Variants in ATRNL1 observed in about 807,000 individuals in gnomAD.
The protein encoded by ATRNL1 is attractin like 1, also known as attractin-like protein 1.
ATRNL1 carries 95 observed loss-of-function variants against 182.7 expected under a neutral mutation model. The ratio of observed to expected loss-of-function variants is 0.52; its 90% CI spans 0.44 to 0.62. The LOEUF (loss-of-function observed/expected upper bound fraction) is 0.62, where lower values mean the gene tolerates loss of function less well. ATRNL1 is among the 20% of genes least tolerant of loss of function. The probability of loss-of-function intolerance (pLI) is 0.00; values close to 1 mark genes in which losing one functional copy is unlikely to be tolerated. For missense variants in ATRNL1, 1,471 were observed against 1,679.5 expected, an observed-to-expected ratio of 0.88 and a Z score of 2.17; for synonymous variants, 576 against 568.3, an observed-to-expected ratio of 1.01 and a Z score of -0.19.
intron 25 of ATRNL1, among the ~76,000 whole-genome samples, chr10:115,528,037 TCTTCCTTC>T (rs782541010): frequency 0.092 from 4,886 of 53,394 alleles, 585 homozygotes; most frequent in African/African-American, 0.3. Context: ...CTCCTTCCTT[TCTTCCTTC>T]CTTCCTTCCT....
At chr10:115,420,073 C>T (rs554788214) in intron 20 of ATRNL1, among the ~76,000 whole-genome samples, 2 of 137,124 alleles carry the variant, frequency 1.5e-5, no homozygotes, top group Admixed American at 1.6e-4. Context: ...GACAGAGTCT[C>T]ACTGTTGTCA....
intron 11 of ATRNL1, among the ~76,000 whole-genome samples, chr10:115,266,257 T>C (rs1851603518): frequency 6.6e-6 from 1 of 151,728 alleles, no homozygotes; most frequent in Non-Finnish European, 1.5e-5. Flanking sequence ...TAAAAAATCT[T>C]TTTGATTATT....
In ATRNL1 at chr10:115,944,653, T is replaced by A; in HGVS notation, c.4019-5T>A. 1 of 1,604,742 alleles carries A rather than the reference T, an allele frequency of 6.2e-7. No individual in the cohort carries two copies. Among genetic ancestry groups the A allele is most frequent in the Non-Finnish European group, 8.5e-7 (1 of 1,174,604 alleles). ...GCATTTAAATGCTTTTCTCTTTCCT[T>A]CCAGGCCTTGCAATTGCCAGTGCCC... On this transcript the variant is annotated splice_region_variant and splice_polypyrimidine_tract_variant and intron_variant, in intron 28 of 28. Transcript: ENST00000355044.
intron 19 of ATRNL1, among the ~76,000 whole-genome samples, chr10:115,349,651 A>T (rs1367152416): frequency 6.6e-6 from 1 of 152,120 alleles, no homozygotes; most frequent in Non-Finnish European, 1.5e-5. Flanking sequence ...TGTCTTTTGG[A>T]TAAAAGCCAT....
At chr10:115,257,869 G>C (rs1024236000) in intron 10 of ATRNL1, among the ~76,000 whole-genome samples, 2 of 152,220 alleles carry the variant, frequency 1.3e-5, no homozygotes, top group East Asian at 1.9e-4. Context: ...ACTTATGAAG[G>C]TTAGTTTGGC....
At chr10:115,783,835 T>A (rs6585361) in intron 27 of ATRNL1, among the ~76,000 whole-genome samples, 124,081 of 151,964 alleles carry the variant, frequency 0.82, 50,802 homozygotes, top group East Asian at 0.96. Flanking sequence ...CAACACAGTG[T>A]AACCCCGTCT....
chr10:115,357,094 G>A (rs528841795), intron 19 of ATRNL1, among the ~76,000 whole-genome samples: 6 of 151,790 alleles, frequency 4.0e-5, no homozygotes, highest in Admixed American at 6.6e-5. Context: ...GCACTATTTG[G>A]TTTTTTAAAA....
At chr10:115,410,415 G>A (rs1261959624) in intron 20 of ATRNL1, among the ~76,000 whole-genome samples, 1 of 151,592 alleles carries the variant, frequency 6.6e-6, no homozygotes, top group Admixed American at 6.6e-5. Context: ...TCTGCCTCTC[G>A]GGTTCAAGTG....
At chr10:115,424,980 G>T (rs1404800798) in intron 20 of ATRNL1, among the ~76,000 whole-genome samples, 1 of 152,060 alleles carries the variant, frequency 6.6e-6, no homozygotes, top group Non-Finnish European at 1.5e-5. Context: ...AACACCCAAA[G>T]TTCCTTTGTT....
At chr10:115,160,528 CT>C (rs1405014355) in intron 6 of ATRNL1, among the ~76,000 whole-genome samples, 151,213 of 151,424 alleles carry the variant, frequency 1, 75,501 homozygotes, top group Middle Eastern at 1. Flanking sequence ...ATTCATGCCA[CT>C]TTTTTTTTTT....
chr10:115,157,491 T>TA (rs146825883), intron 5 of ATRNL1, among the ~76,000 whole-genome samples: 5,004 of 152,184 alleles, frequency 0.033, 107 homozygotes, highest in Non-Finnish European at 0.049. Context: ...TAGAGTAAAA[T>TA]AAAGACAACA....
intron 18 of ATRNL1, among the ~76,000 whole-genome samples, chr10:115,321,882 GA>G (rs1554931644): frequency 6.6e-6 from 1 of 151,978 alleles, no homozygotes; most frequent in Non-Finnish European, 1.5e-5. Context: ...ATTCTATCAA[GA>G]AACTGTTAGT....
chr10:115,533,482 T>G (rs1399652783), intron 25 of ATRNL1, among the ~76,000 whole-genome samples: 7 of 151,978 alleles, frequency 4.6e-5, no homozygotes, highest in Non-Finnish European at 8.8e-5. Context: ...GTCTATTTGA[T>G]TCTTCTCTCT....
At chr10:115,487,058 G>A (rs572213666) in intron 24 of ATRNL1, among the ~76,000 whole-genome samples, 3 of 152,142 alleles carry the variant, frequency 2.0e-5, no homozygotes, top group Admixed American at 6.5e-5. Context: ...TAGATGTGTG[G>A]TATTATTTCT....
chr10:115,465,131 A>G (rs11197225), intron 22 of ATRNL1, among the ~76,000 whole-genome samples: 7,019 of 151,814 alleles, frequency 0.046, 578 homozygotes, highest in African/African-American at 0.16. Context: ...ATCAGTCTGT[A>G]CATTAAAGAC....
intron 19 of ATRNL1, among the ~76,000 whole-genome samples, chr10:115,382,766 A>G (rs1378065931): frequency 6.6e-6 from 1 of 151,126 alleles, no homozygotes; most frequent in Non-Finnish European, 1.5e-5. Context: ...AAGTGGCAAG[A>G]GCAGGCATCC....
intron 24 of ATRNL1, among the ~76,000 whole-genome samples, chr10:115,480,484 T>C (rs1306441282): frequency 6.6e-6 from 1 of 151,156 alleles, no homozygotes; most frequent in Non-Finnish European, 1.5e-5. Flanking sequence ...CAATTCTTTT[T>C]GTCATTTAAC....
chr10:115,112,810 G>C (rs1186751379), intron 1 of ATRNL1, among the ~76,000 whole-genome samples: 1 of 152,192 alleles, frequency 6.6e-6, no homozygotes, highest in Non-Finnish European at 1.5e-5. Flanking sequence ...ACTGATGTTT[G>C]ACAGCAGAAG....
At chr10:115,812,803 A>G (rs1555087427) in intron 27 of ATRNL1, among the ~76,000 whole-genome samples, 1 of 152,018 alleles carries the variant, frequency 6.6e-6, no homozygotes, top group Non-Finnish European at 1.5e-5. Flanking sequence ...ACCACACTTA[A>G]CAAATTATTG....
Sources: gnomAD v4.1 joint callset for allele counts (sites outside exome capture counted in the v4.1 genomes callset) on GRCh38, gnomAD v4.1.1 for gene constraint, MANE v1.5 for transcripts, NCBI Gene and HGNC (gene_info 2026-07-23, HGNC 2026-07-21) for gene names.